The following STK32C variants were observed in gnomAD, a reference collection of about 807,000 sequenced individuals.
STK32C encodes the protein serine/threonine-protein kinase 32C.
STK32C carries 31 observed loss-of-function variants against 56.5 expected under a neutral mutation model. That is an observed-to-expected ratio of 0.55 (90% CI 0.41 to 0.74). STK32C has a LOEUF of 0.74. Ranked by LOEUF, STK32C falls within the 30% of genes least tolerant of loss-of-function variation. The pLI is 0.00. For missense variants in STK32C, 544 were observed against 676.9 expected, an observed-to-expected ratio of 0.80 and a Z score of 2.18; for synonymous variants, 309 against 289.4, an observed-to-expected ratio of 1.07 and a Z score of -0.69.
chr10:132,303,351 A>G (rs2065966322), intron 1 of STK32C, among the ~76,000 whole-genome samples: 1 of 152,290 alleles, frequency 6.6e-6, no homozygotes, highest in African/African-American at 2.4e-5. Context: ...AGGTTTATGA[A>G]TTAAATTATT....
intron 1 of STK32C, among the ~76,000 whole-genome samples, chr10:132,275,639 C>A (rs2064972909): frequency 6.6e-6 from 1 of 152,192 alleles, no homozygotes; most frequent in African/African-American, 2.4e-5. Context: ...CAGGGGCCAG[C>A]GCAGTGCAGA....
chr10:132,261,487 G>A (rs1031931953), intron 1 of STK32C, among the ~76,000 whole-genome samples: 2 of 150,694 alleles, frequency 1.3e-5, no homozygotes, highest in East Asian at 3.8e-4. Flanking sequence ...ATCAGGGGCC[G>A]GGCACGGTGG....
At chr10:132,323,981 A>C (rs2066453379), downstream of STK32C, 2 of 455,766 alleles carry the variant, frequency 4.4e-6, no homozygotes, top group Non-Finnish European at 4.0e-6. The surrounding 1 kb of genome is among the most constrained non-coding windows in gnomAD (Gnocchi z 4.8). Flanking sequence ...GCGGGAAGCC[A>C]CTCACTCCCT....
chr10:132,222,129 G>A (rs1265839799), intron 10 of STK32C, among the ~76,000 whole-genome samples: 19 of 127,890 alleles, frequency 1.5e-4, no homozygotes, highest in Non-Finnish European at 1.6e-4. Context: ...TGATGCTGAC[G>A]CACCTGGGCG....
intron 1 of STK32C, among the ~76,000 whole-genome samples, chr10:132,283,016 AC>A (rs1590385306): frequency 1.3e-5 from 2 of 152,300 alleles, no homozygotes; most frequent in East Asian, 3.9e-4. Context: ...AGGGGTCCTG[AC>A]CACAAAAGGT....
chr10:132,266,121 C>A (rs555161316), intron 1 of STK32C, among the ~76,000 whole-genome samples: 74 of 152,270 alleles, frequency 4.9e-4, no homozygotes, highest in East Asian at 1.5e-3. Flanking sequence ...ATGTTATATC[C>A]ATACGATGGA....
At chr10:132,280,436 GTGATCACGCCACTGCACCCCA>G (rs1410759316) in intron 1 of STK32C, among the ~76,000 whole-genome samples, 1 of 130,914 alleles carries the variant, frequency 7.6e-6, no homozygotes, top group South Asian at 2.5e-4. Context: ...ACTGCACTCC[GTGATCACGCCACTGCACCCCA>G]TGATCACGCC....
In STK32C at chr10:132,226,027, A is replaced by G. The variant is rs372858353; in HGVS notation, c.645-243T>C. Reference sequence around the variant, plus strand: ...GGCAGCAGCACACACCTGGCACCAGATGCTGGGAGGGGGCCTGGAGCCCCA... The same window carrying G: ...GGCAGCAGCACACACCTGGCACCAGGTGCTGGGAGGGGGCCTGGAGCCCCA... On this transcript the variant is annotated intron_variant, in intron 4 of 11. Transcript: ENST00000298630. 3.8e-4 allele frequency among the ~76,000 whole-genome samples: 58 copies of G among 152,318 alleles called. 1 individual carries two copies. The highest frequency in any genetic ancestry group is 1.3e-3 in the African/African-American group (56 of 41,564).
chr10:132,270,951 T>TG (rs1233741986), intron 1 of STK32C, among the ~76,000 whole-genome samples: 1 of 151,796 alleles, frequency 6.6e-6, no homozygotes, highest in Admixed American at 6.6e-5. Flanking sequence ...GGTAGGGCAA[T>TG]GGGGTGGGGC....
At chr10:132,294,893 C>T (rs922517078) in intron 1 of STK32C, among the ~76,000 whole-genome samples, 5 of 152,182 alleles carry the variant, frequency 3.3e-5, no homozygotes, top group African/African-American at 1.2e-4. Flanking sequence ...GGCTTTGTTT[C>T]ATCGTGATCT....
chr10:132,225,129 C>A (rs757493544), intron 7 of STK32C, 104 bp downstream of exon 7: 48 of 837,762 alleles, frequency 5.7e-5, no homozygotes, highest in East Asian at 2.7e-5. Context: ...GTGGAGACAT[C>A]CCTGCGCACC....
chr10:132,293,906 C>T (rs1205007830), intron 1 of STK32C, among the ~76,000 whole-genome samples: 2 of 152,152 alleles, frequency 1.3e-5, no homozygotes, highest in African/African-American at 4.8e-5. Flanking sequence ...GAGGGTAGAG[C>T]CAAGAGAACA....
chr10:132,221,449 C>T (rs2062641640), intron 10 of STK32C, among the ~76,000 whole-genome samples: 1 of 145,108 alleles, frequency 6.9e-6, no homozygotes, highest in African/African-American at 2.6e-5. Context: ...TCCCTGCACA[C>T]ACTCACAACT....
At chr10:132,229,341 C>T (rs781042762) in intron 2 of STK32C, among the ~76,000 whole-genome samples, 23 of 152,104 alleles carry the variant, frequency 1.5e-4, no homozygotes, top group Non-Finnish European at 3.4e-4. Context: ...GGGCTCCTGG[C>T]TGCATGCCCG....
At chr10:132,220,341 G>C (rs567890025) in intron 10 of STK32C, among the ~76,000 whole-genome samples, 1 of 152,370 alleles carries the variant, frequency 6.6e-6, no homozygotes, top group South Asian at 2.1e-4. Flanking sequence ...TCCCCGGAGA[G>C]CCTTCAGAGG....
chr10:132,218,002 G>A (rs963222832), intron 10 of STK32C, among the ~76,000 whole-genome samples: 2 of 152,088 alleles, frequency 1.3e-5, no homozygotes, highest in Non-Finnish European at 2.9e-5. Flanking sequence ...AGCCTCCCTG[G>A]TCGCTTTAAA....
chr10:132,284,231 G>A (rs971092683), intron 1 of STK32C, among the ~76,000 whole-genome samples: 1 of 149,918 alleles, frequency 6.7e-6, no homozygotes, highest in African/African-American at 2.5e-5. Flanking sequence ...GGGAAGCCCC[G>A]CAGGAAACGG....
At chr10:132,280,864 T>TGCCGTGACCACGCCCCTGCAC (rs2065175165) in intron 1 of STK32C, among the ~76,000 whole-genome samples, 1 of 109,010 alleles carries the variant, frequency 9.2e-6, no homozygotes, top group Non-Finnish European at 1.9e-5. Flanking sequence ...GAGGCCTCCA[T>TGCCGTGACCACGCCCCTGCAC]GCCGTGACCA....
chr10:132,331,584 C>T (rs1475798427), exon 1 of STK32C: 4 of 1,612,808 alleles, frequency 2.5e-6, no homozygotes, highest in Non-Finnish European at 3.4e-6. Context: ...CAGGAAGCCC[C>T]AGGAGAGACG....
Sources: gnomAD v4.1 joint callset for allele counts (sites outside exome capture counted in the v4.1 genomes callset) on GRCh38, gnomAD v4.1.1 for gene constraint, Gnocchi (gnomAD v3.1) non-coding constraint, MANE v1.5 for transcripts, NCBI Gene and HGNC (gene_info 2026-07-23, HGNC 2026-07-21) for gene names.